TCF7L2: variants seen among roughly 807,000 people sequenced by gnomAD.
The protein encoded by TCF7L2 is transcription factor 7 like 2.
A neutral mutation model predicts 77.9 loss-of-function variants in TCF7L2; 23 were observed. The observed-to-expected ratio is 0.30, with a 90% CI of 0.21 to 0.42. The LOEUF (loss-of-function observed/expected upper bound fraction) is 0.42. Among genes scored for constraint, TCF7L2 ranks in the 10% least tolerant of loss-of-function variants. The probability of loss-of-function intolerance (pLI) is 1.00; values close to 1 mark genes in which losing one functional copy is unlikely to be tolerated. For synonymous variants in TCF7L2, 413 were observed against 340.2 expected, an observed-to-expected ratio of 1.21 and a Z score of -2.36; for missense variants, 654 against 793.1, an observed-to-expected ratio of 0.82 and a Z score of 2.11.
At chr10:113,129,629 G>A in intron 5 of TCF7L2, 1 of 1,174,082 alleles carries the variant, frequency 8.5e-7, no homozygotes, top group Non-Finnish European at 1.1e-6. Context: ...TAGGCAATAT[G>A]AGCGACAACT....
rs1369436357 is a variant in TCF7L2 at position 113,143,931 on chromosome 10, C to A, written c.694C>A (p.Arg232=). 3 of 1,612,430 alleles carry A rather than the reference C, an allele frequency of 1.9e-6. No homozygotes were observed. The Admixed American group carries it at 5.0e-5, about 27-fold the overall frequency. The change falls in exon 7 of 14, where the codon CGG becomes AGG. Residue 232 remains arginine (R), a synonymous_variant. Coordinates refer to ENST00000627217, the MANE Select transcript of TCF7L2 (RefSeq NM_001146274.2). ...GCTGCTTCTTCCCTCAGGAATCCCA[C>A]GGCCTCCGCACCCTCCAGATATATC...
intron 5 of TCF7L2, among the ~76,000 whole-genome samples, chr10:113,087,752 G>T (rs1162344835): frequency 6.6e-6 from 1 of 152,186 alleles, no homozygotes; most frequent in South Asian, 2.1e-4. Flanking sequence ...GCTGCAGCCA[G>T]CGTGGGCCCT....
chr10:112,950,666 G>GC lies in TCF7L2; in HGVS notation c.-91_-90insC. ...TCGTCTTTTTCTTGCAATATTTTTTGGGGGGGCAAAACTTTTTGGGGGTGA... is the reference window on the plus strand; with the variant it reads ...TCGTCTTTTTCTTGCAATATTTTTTGCGGGGGGCAAAACTTTTTGGGGGTGA... On this transcript the variant is annotated 5_prime_UTR_variant, in exon 1 of 14. Coordinates refer to ENST00000627217, the MANE Select transcript of TCF7L2 (RefSeq NM_001146274.2). The GC allele has an allele frequency of 7.5e-7, 1 of 1,329,706 alleles. No individual in the cohort carries two copies. The highest frequency in any genetic ancestry group is 9.9e-7 in the Non-Finnish European group (1 of 1,008,084). 82.4% of individuals were successfully genotyped at this position (1,329,706 alleles called of 1,614,324 possible). A position where few individuals can be genotyped will look rare whatever the true frequency, so the allele number is the denominator to read the frequency against.
At chr10:113,136,479 T>G (rs1008666473) in intron 5 of TCF7L2, among the ~76,000 whole-genome samples, 1 of 152,178 alleles carries the variant, frequency 6.6e-6, no homozygotes, top group African/African-American at 2.4e-5. Flanking sequence ...GTTTTCAGAG[T>G]TCAGTACAGC....
At chr10:112,990,365 C>T (rs143186309) in intron 4 of TCF7L2, among the ~76,000 whole-genome samples, 111 of 152,210 alleles carry the variant, frequency 7.3e-4, no homozygotes, top group Non-Finnish European at 1.2e-3. Flanking sequence ...ATCCCCGTCC[C>T]GTAAGTTTCT....
intron 5 of TCF7L2, among the ~76,000 whole-genome samples, chr10:113,083,180 G>C (rs903078918): frequency 2.0e-5 from 3 of 151,630 alleles, no homozygotes; most frequent in African/African-American, 7.3e-5. Context: ...GAGGTAGTAA[G>C]GGAAGAGGGA....
intron 5 of TCF7L2, among the ~76,000 whole-genome samples, chr10:113,065,073 A>C (rs1381861097): frequency 6.6e-6 from 1 of 152,144 alleles, no homozygotes; most frequent in Non-Finnish European, 1.5e-5. Flanking sequence ...AGGTTCCCTG[A>C]CTCCACCTGT....
intron 5 of TCF7L2, among the ~76,000 whole-genome samples, chr10:113,049,042 G>A (rs2053940826): frequency 6.6e-6 from 1 of 152,100 alleles, no homozygotes; most frequent in Non-Finnish European, 1.5e-5. Context: ...GGGACTCATA[G>A]GGGTCTGGCT....
chr10:113,151,916 G>C lies in TCF7L2; in HGVS notation c.1161+32G>C. The stretch of plus-strand genomic sequence containing the variant: ...GACGCCCTTCTCAGGGAGAAGCGGG[G>C]GGCGGGTGGTGAGGGACCAGAGTGC... On this transcript the variant is annotated intron_variant, in intron 10 of 13. Coordinates refer to ENST00000627217, the MANE Select transcript of TCF7L2 (RefSeq NM_001146274.2). The surrounding 1 kb of genome is among the most constrained non-coding windows in gnomAD (Gnocchi z 5.2). The C allele has an allele frequency of 6.3e-7, 1 of 1,577,620 alleles. No homozygotes were observed. The highest frequency in any genetic ancestry group is 1.2e-5 in the South Asian group (1 of 83,922).
At chr10:113,120,806 A>T (rs1327375909) in intron 5 of TCF7L2, among the ~76,000 whole-genome samples, 5 of 152,208 alleles carry the variant, frequency 3.3e-5, no homozygotes. Flanking sequence ...TCTCAACCAG[A>T]CAAAGCCTCA....
chr10:113,036,115 C>CCATCATCATCATCAT (rs71869784), intron 4 of TCF7L2, among the ~76,000 whole-genome samples: 1 of 146,480 alleles, frequency 6.8e-6, no homozygotes, highest in Non-Finnish European at 1.5e-5. Context: ...ATCATCATCA[C>CCATCATCATCATCAT]CATCATCATC....
chr10:113,025,177 C>G (rs1274557405), intron 4 of TCF7L2, among the ~76,000 whole-genome samples: 2 of 151,436 alleles, frequency 1.3e-5, no homozygotes, highest in East Asian at 3.9e-4. Context: ...CCCATCTCAG[C>G]CACCTGAGTA....
chr10:113,136,685 A>G (rs2136681305), intron 5 of TCF7L2, among the ~76,000 whole-genome samples: 1 of 152,340 alleles, frequency 6.6e-6, no homozygotes, highest in East Asian at 1.9e-4. Flanking sequence ...ATAAAGAGAT[A>G]AAAGGGGGAG....
chr10:113,115,850 T>TCCTCTAATTCCTTAGCA (rs1206507717), intron 5 of TCF7L2, among the ~76,000 whole-genome samples: 3 of 152,066 alleles, frequency 2.0e-5, no homozygotes, highest in African/African-American at 7.2e-5. Flanking sequence ...TCTGCTTGCC[T>TCCTCTAATTCCTTAGCA]CCTCTAATTC....
Position 113,151,265 on chromosome 10 carries a change from A to G in TCF7L2, c.1001+142A>G, listed in dbSNP as rs2070695630. The G allele has an allele frequency of 3.6e-6, 4 of 1,099,536 alleles. No homozygotes were observed. Among genetic ancestry groups the G allele is most frequent in the Admixed American group, 2.2e-5 (1 of 45,702 alleles). 68.1% of individuals were successfully genotyped at this position (1,099,536 alleles called of 1,614,324 possible). A position where few individuals can be genotyped will look rare whatever the true frequency, so the allele number is the denominator to read the frequency against. ...AATACCCAGCCTGTGTGGGCTCTTC[A>G]CTCCCTTACAAAGAGAGAGAGAGTG... is the stretch of plus-strand genomic sequence containing the variant. On this transcript the variant is annotated intron_variant, in intron 9 of 13. Coordinates refer to ENST00000627217, the MANE Select transcript of TCF7L2 (RefSeq NM_001146274.2). This position sits in a 1 kb window ranked among gnomAD's most constrained non-coding sequence, Gnocchi z 5.2.
intron 4 of TCF7L2, among the ~76,000 whole-genome samples, chr10:112,986,300 T>C (rs1046150272): frequency 6.6e-6 from 1 of 152,160 alleles, no homozygotes; most frequent in Non-Finnish European, 1.5e-5. Flanking sequence ...CCTCCTTTCT[T>C]TGAGCTTGTT....
intron 5 of TCF7L2, among the ~76,000 whole-genome samples, chr10:113,104,334 T>G (rs1274409239): frequency 6.6e-6 from 1 of 152,132 alleles, no homozygotes; most frequent in African/African-American, 2.4e-5. Flanking sequence ...TTGTTTAAAT[T>G]TATGGGTTGT....
At chr10:113,059,892 T>A (rs893669443) in intron 5 of TCF7L2, among the ~76,000 whole-genome samples, 1 of 152,244 alleles carries the variant, frequency 6.6e-6, no homozygotes, top group Non-Finnish European at 1.5e-5. Context: ...TCCATATTTC[T>A]GCATACCATT....
At chr10:113,051,603 G>A (rs2134576616) in intron 5 of TCF7L2, among the ~76,000 whole-genome samples, 1 of 152,314 alleles carries the variant, frequency 6.6e-6, no homozygotes, top group East Asian at 1.9e-4. Flanking sequence ...AGGTTGGTTT[G>A]TGGTCGTCTG....
Sources: allele counts gnomAD v4.1 joint callset (sites outside exome capture counted in the v4.1 genomes callset), GRCh38; gene constraint gnomAD v4.1.1; non-coding constraint Gnocchi (gnomAD v3.1); transcripts MANE v1.5; gene names NCBI Gene and HGNC (gene_info 2026-07-23, HGNC 2026-07-21).